The following CLVS1 variants were observed in gnomAD, a reference collection of about 807,000 sequenced individuals.
CLVS1 encodes clavesin 1.
Under a neutral mutation model 33.1 loss-of-function variants are expected in CLVS1, and 10 were observed. The ratio of observed to expected loss-of-function variants is 0.30; its 90% CI spans 0.19 to 0.51. CLVS1 has a LOEUF of 0.51. Ranked by LOEUF, CLVS1 falls within the 20% of genes least tolerant of loss-of-function variation. The pLI, the probability that CLVS1 is intolerant of heterozygous loss-of-function variation, is 0.97. For synonymous variants in CLVS1, 163 were observed against 166.1 expected, an observed-to-expected ratio of 0.98 and a Z score of 0.14; for missense variants, 343 against 433.4, an observed-to-expected ratio of 0.79 and a Z score of 1.85.
intron 2 of CLVS1, among the ~76,000 whole-genome samples, chr8:61,337,676 A>G (rs891303664): frequency 3.3e-5 from 5 of 152,238 alleles, no homozygotes; most frequent in Admixed American, 1.3e-4. Flanking sequence ...TTAATCTGCA[A>G]AACAAATGTG....
At chr8:61,358,558 A>T (rs1266702786) in intron 2 of CLVS1, among the ~76,000 whole-genome samples, 1 of 152,242 alleles carries the variant, frequency 6.6e-6, no homozygotes, top group Non-Finnish European at 1.5e-5. Context: ...ACAGTGGTGA[A>T]CATGATTATA....
At chr8:61,423,783 C>T (rs975094377) in intron 3 of CLVS1, among the ~76,000 whole-genome samples, 4 of 152,138 alleles carry the variant, frequency 2.6e-5, no homozygotes, top group East Asian at 1.9e-4. Flanking sequence ...CACCAATGCA[C>T]GCACACACAC....
At chr8:61,472,503 C>T (rs1439957204) in intron 5 of CLVS1, among the ~76,000 whole-genome samples, 1 of 152,106 alleles carries the variant, frequency 6.6e-6, no homozygotes, top group African/African-American at 2.4e-5. Context: ...AGGAAGATAT[C>T]ATCAACCATC....
intron 1 of CLVS1, among the ~76,000 whole-genome samples, chr8:61,105,392 TTTC>T (rs1191415506): frequency 6.6e-6 from 1 of 152,216 alleles, no homozygotes; most frequent in East Asian, 1.9e-4. Context: ...CCCCAGGTTC[TTTC>T]TTATCTAGTC....
At chr8:61,212,544 G>T (rs1318453223) in intron 2 of CLVS1, among the ~76,000 whole-genome samples, 1 of 152,152 alleles carries the variant, frequency 6.6e-6, no homozygotes, top group Admixed American at 6.5e-5. Context: ...AATACACATG[G>T]TAAGGTGTGG....
At chr8:61,187,738 T>C (rs978084363) in intron 2 of CLVS1, among the ~76,000 whole-genome samples, 22 of 150,846 alleles carry the variant, frequency 1.5e-4, no homozygotes, top group Non-Finnish European at 3.0e-4. Context: ...ATTAAATATA[T>C]GATAATTTAT....
chr8:61,211,160 G>A (rs925624859), intron 2 of CLVS1, among the ~76,000 whole-genome samples: 1 of 152,104 alleles, frequency 6.6e-6, no homozygotes, highest in African/African-American at 2.4e-5. Context: ...TTTCAGTCAG[G>A]GGTGGTGGTG....
chr8:61,451,360 T>C (rs552739600), intron 3 of CLVS1, among the ~76,000 whole-genome samples: 1 of 152,334 alleles, frequency 6.6e-6, no homozygotes, highest in East Asian at 1.9e-4. Flanking sequence ...GTGTATAGTT[T>C]ATAATAAGGA....
intron 2 of CLVS1, among the ~76,000 whole-genome samples, chr8:61,149,476 C>T (rs746404470): frequency 3.5e-5 from 5 of 143,664 alleles, no homozygotes; most frequent in East Asian, 2.2e-4. Context: ...CACTTGAACC[C>T]GGAAGGTGGA....
intron 1 of CLVS1, among the ~76,000 whole-genome samples, chr8:61,292,997 CT>C (rs1471701550): frequency 6.6e-6 from 1 of 152,176 alleles, no homozygotes; most frequent in Non-Finnish European, 1.5e-5. Flanking sequence ...TGTCTCTACT[CT>C]GATGGAGCTC....
intron 2 of CLVS1, among the ~76,000 whole-genome samples, chr8:61,371,345 CT>C (rs1157488699): frequency 2.0e-5 from 3 of 151,988 alleles, no homozygotes; most frequent in Non-Finnish European, 2.9e-5. Context: ...AATTATTTGT[CT>C]TTTTCTTGCT....
At chr8:61,079,624 A>G (rs1213475881) in intron 1 of CLVS1, among the ~76,000 whole-genome samples, 1 of 152,210 alleles carries the variant, frequency 6.6e-6, no homozygotes, top group Non-Finnish European at 1.5e-5. Flanking sequence ...TGCCCTGCAT[A>G]GACTAACAGA....
At chr8:60,981,515 C>T in the CLVS1 span, among the ~76,000 whole-genome samples, 36 of 152,292 alleles carry the variant, frequency 2.4e-4, 1 homozygote, top group African/African-American at 7.9e-4. Context: ...GTGTTGTCCA[C>T]GGAGGGGACT....
intron 2 of CLVS1, among the ~76,000 whole-genome samples, chr8:61,310,189 A>G (rs906011584): frequency 1.3e-5 from 2 of 152,214 alleles, no homozygotes; most frequent in Non-Finnish European, 2.9e-5. Context: ...TCTGGTGATG[A>G]TCAATTTTTC....
At chr8:60,993,105 G>T in the CLVS1 span, among the ~76,000 whole-genome samples, 2 of 152,234 alleles carry the variant, frequency 1.3e-5, no homozygotes, top group Non-Finnish European at 2.9e-5. Context: ...AAACAGTGGG[G>T]CTTGTTCTTG....
intron 4 of CLVS1, among the ~76,000 whole-genome samples, chr8:61,456,811 A>G (rs1586000901): frequency 6.6e-6 from 1 of 151,218 alleles, no homozygotes; most frequent in Non-Finnish European, 1.5e-5. Flanking sequence ...CCAGCTACTG[A>G]GGAGGCTGAG....
Position 61,500,504 on chromosome 8 carries a change from T to A in CLVS1, c.*962T>A, listed in dbSNP as rs563014370. 1 of 152,370 alleles carries A rather than the reference T, an allele frequency of 6.6e-6. No homozygotes were observed. The highest frequency in any genetic ancestry group is 1.9e-4 in the East Asian group (1 of 5,192). 9.4% of individuals were successfully genotyped at this position (152,370 alleles called of 1,614,324 possible). The stretch of plus-strand genomic sequence containing the variant: ...ATTCAATCATGGAGCATGACCCATA[T>A]GGATGGCTAAATATGCAAGTACTGA... On this transcript the variant is annotated 3_prime_UTR_variant, in exon 6 of 6. Transcript: ENST00000325897.
intron 2 of CLVS1, among the ~76,000 whole-genome samples, chr8:61,159,565 C>T (rs143441072): frequency 0.017 from 2,519 of 152,288 alleles, 29 homozygotes; most frequent in African/African-American, 0.024. Context: ...CAGAGAAAAG[C>T]ACTTTTATTT....
intron 3 of CLVS1, among the ~76,000 whole-genome samples, chr8:61,436,131 A>G (rs1409060884): frequency 1.3e-5 from 2 of 152,210 alleles, no homozygotes; most frequent in African/African-American, 4.8e-5. Flanking sequence ...AGCCCAGTCC[A>G]CTTCCTTATT....
Sources: gnomAD v4.1 joint callset for allele counts (sites outside exome capture counted in the v4.1 genomes callset) on GRCh38, gnomAD v4.1.1 for gene constraint, MANE v1.5 for transcripts, NCBI Gene and HGNC (gene_info 2026-07-23, HGNC 2026-07-21) for gene names.